Variants in USP9X observed in about 807,000 individuals in gnomAD.
USP9X encodes the protein ubiquitin specific peptidase 9 X-linked.
In USP9X, 7 loss-of-function variants were observed where a neutral mutation model predicts 190.3. That is an observed-to-expected ratio of 0.04 (90% CI 0.02 to 0.07). USP9X has a LOEUF of 0.07. USP9X is among the 10% of genes least tolerant of loss of function. The pLI, the probability that USP9X is intolerant of heterozygous loss-of-function variation, is 1.00. For missense variants in USP9X, 1,010 were observed against 1,916.9 expected, an observed-to-expected ratio of 0.53 and a Z score of 8.83; for synonymous variants, 645 against 659.5, an observed-to-expected ratio of 0.98 and a Z score of 0.34.
At chrX:41,098,728 G>A (rs758597939) in intron 1 of USP9X, among the ~76,000 whole-genome samples, 76 of 108,963 alleles carry the variant, frequency 7.0e-4, no homozygotes, top group African/African-American at 2.4e-3. Context: ...GCTAATTTTT[G>A]TGTTTTTAGT....
chrX:41,200,249 T>G (rs959608231), intron 30 of USP9X, among the ~76,000 whole-genome samples: 7 of 111,510 alleles, frequency 6.3e-5, no homozygotes, highest in African/African-American at 2.0e-4. Flanking sequence ...GTTAATTTTT[T>G]AATCACAGAT....
chrX:41,130,835 C>T (rs777188810), intron 3 of USP9X, among the ~76,000 whole-genome samples: 6 of 110,858 alleles, frequency 5.4e-5, no homozygotes, highest in South Asian at 3.8e-4. Flanking sequence ...AAGCGATTCT[C>T]CTGCCTCAGC....
intron 12 of USP9X, among the ~76,000 whole-genome samples, chrX:41,150,510 C>T (rs955453352): frequency 3.6e-5 from 4 of 111,142 alleles, no homozygotes; most frequent in Non-Finnish European, 7.5e-5. Context: ...AAAGATGGCC[C>T]ATTTAGAGTA....
chrX:41,132,761 T>A (rs1040642501), intron 4 of USP9X, among the ~76,000 whole-genome samples: 2 of 110,540 alleles, frequency 1.8e-5, no homozygotes, highest in Non-Finnish European at 3.8e-5. Flanking sequence ...TTTTTTTTTT[T>A]TTATTAATAC....
chrX:41,156,688 C>T (rs1017372318), intron 14 of USP9X, among the ~76,000 whole-genome samples: 2 of 111,852 alleles, frequency 1.8e-5, no homozygotes, highest in African/African-American at 6.5e-5. Context: ...TAGCTGCTGT[C>T]CTCCCTCTAT....
intron 24 of USP9X, 87 bp downstream of exon 24, chrX:41,186,729 C>T: frequency 9.8e-7 from 1 of 1,024,209 alleles, no homozygotes; most frequent in Non-Finnish European, 1.3e-6. Flanking sequence ...GATAATGTCC[C>T]CTTAATATCA....
At position 41,184,616 on chromosome X, in the gene USP9X, G is replaced by C; in HGVS notation, c.3499G>C (p.Val1167Leu). 8.3e-7 allele frequency: 1 copy of C among 1,211,787 alleles called. No homozygotes were observed. The highest frequency in any genetic ancestry group is 1.1e-6 in the Non-Finnish European group (1 of 895,407). The stretch of plus-strand genomic sequence containing the variant: ...GCTAACTGCCATTGGCTATGGTCAT[G>C]TTCGAGCTGTGGCAGAAGCTTGTCA... ...LLLTAIGYGH[V>L]RAVAEACQPG... The change falls in exon 23 of 45, where the codon GTT becomes CTT. Residue 1167 changes from valine to leucine, a missense_variant. This residue lies in a region of USP9X where 351 missense variants were observed against 480.8 expected (regional missense o/e 0.73). Transcript: ENST00000378308.
At chrX:41,130,733 T>A (rs1257946529) in intron 3 of USP9X, among the ~76,000 whole-genome samples, 12 of 106,612 alleles carry the variant, frequency 1.1e-4, no homozygotes, top group Non-Finnish European at 2.3e-4. Flanking sequence ...TTTTCTTTTT[T>A]TTTTCCTTTT....
intron 1 of USP9X, among the ~76,000 whole-genome samples, chrX:41,123,137 A>C (rs1016658544): frequency 9.0e-6 from 1 of 111,635 alleles, no homozygotes; most frequent in African/African-American, 3.3e-5. Flanking sequence ...CCTTATTCTT[A>C]CAGTGTAATG....
intron 12 of USP9X, among the ~76,000 whole-genome samples, chrX:41,149,928 A>C (rs1473274876): frequency 9.2e-6 from 1 of 109,054 alleles, no homozygotes; most frequent in East Asian, 2.9e-4. Flanking sequence ...CTGGTCTCGA[A>C]CTCCTGACCT....
chrX:41,222,393 G>A (rs1447847667), intron 38 of USP9X, among the ~76,000 whole-genome samples: 2 of 82,713 alleles, frequency 2.4e-5, no homozygotes. Flanking sequence ...TTATTACTGT[G>A]AAGAGGGGCC....
chrX:41,217,311 A>G lies in USP9X; in HGVS notation c.6177A>G (p.Thr2059=), dbSNP rs2063221407. The part of the protein sequence containing the change: ...ARFLFTTGFH[T]KKVVRGSASD... Reference sequence around the variant, plus strand: ...TCCTCTTTACTACAGGATTTCACACAAAGAAAGTAGTCCGTGGCTCTGCCA... The same window carrying G: ...TCCTCTTTACTACAGGATTTCACACGAAGAAAGTAGTCCGTGGCTCTGCCA... Residue 2059 remains threonine (T), a synonymous_variant, in exon 36 of 45, where the codon ACA becomes ACG. Coordinates refer to ENST00000378308, the MANE Select transcript of USP9X (RefSeq NM_001039591.3). 17 of 1,208,760 alleles carry G rather than the reference A, an allele frequency of 1.4e-5. No homozygotes were observed. The highest frequency in any genetic ancestry group is 1.9e-5 in the Non-Finnish European group (17 of 894,600).
intron 14 of USP9X, among the ~76,000 whole-genome samples, chrX:41,159,540 T>C (rs998565161): frequency 9.9e-5 from 11 of 110,752 alleles, no homozygotes; most frequent in Non-Finnish European, 2.1e-4. Flanking sequence ...TTTTTTTTCT[T>C]TTTTTTTGAG....
At chrX:41,231,929 C>A (rs1045320944) in intron 44 of USP9X, among the ~76,000 whole-genome samples, 1 of 111,112 alleles carries the variant, frequency 9.0e-6, no homozygotes, top group African/African-American at 3.3e-5. Flanking sequence ...GAACATTGTT[C>A]TGTTTTTAAT....
chrX:41,152,846 T>A, intron 13 of USP9X, 102 bp from the exon 14 acceptor site: 1 of 874,747 alleles, frequency 1.1e-6, no homozygotes, highest in Non-Finnish European at 1.5e-6. Flanking sequence ...GTATAATTTT[T>A]AAGTTTTTAC....
intron 1 of USP9X, among the ~76,000 whole-genome samples, chrX:41,092,581 T>C (rs1222010192): frequency 7.2e-5 from 8 of 111,749 alleles, no homozygotes; most frequent in African/African-American, 2.3e-4. Context: ...CTTTGGACTT[T>C]GTGGGCTAAG....
chrX:41,148,886 C>T (rs1428167079), intron 12 of USP9X, among the ~76,000 whole-genome samples: 1 of 111,768 alleles, frequency 8.9e-6, no homozygotes, highest in Non-Finnish European at 1.9e-5. Flanking sequence ...ATAGGGACTT[C>T]AGAGGGAAGA....
At chrX:41,172,055 C>T (rs2062731408) in intron 21 of USP9X, 97 bp downstream of exon 21, 3 of 1,007,561 alleles carry the variant, frequency 3.0e-6, no homozygotes, top group South Asian at 2.8e-5. Context: ...TTGGTATAGA[C>T]TATAACAAGA....
Position 41,189,479 on chromosome X carries a change from A to T in USP9X, c.3977+4A>T. 1 of 1,181,099 alleles carries T rather than the reference A, an allele frequency of 8.5e-7. No homozygotes were observed. Among genetic ancestry groups the T allele is most frequent in the African/African-American group, 1.8e-5 (1 of 56,769 alleles). The stretch of plus-strand genomic sequence containing the variant: ...TACTATTGCACTGTCACAGCAAGTA[A>T]GTATCTTTTTTAATTGTAAGAAACT... On this transcript the variant is annotated splice_donor_region_variant and intron_variant, in intron 26 of 44. Coordinates refer to ENST00000378308, the MANE Select transcript of USP9X (RefSeq NM_001039591.3).
Sources: allele counts gnomAD v4.1 joint callset (sites outside exome capture counted in the v4.1 genomes callset), GRCh38; gene constraint gnomAD v4.1.1; regional missense constraint gnomAD v4.1.1; transcripts MANE v1.5; gene names NCBI Gene and HGNC (gene_info 2026-07-23, HGNC 2026-07-21).